KLHDC4: variants seen among roughly 807,000 people sequenced by gnomAD.
KLHDC4 encodes the protein kelch domain-containing protein 4.
KLHDC4 carries 90 observed loss-of-function variants against 62.4 expected under a neutral mutation model. That is an observed-to-expected ratio of 1.44 (90% CI 1.22 to 1.72). The LOEUF (loss-of-function observed/expected upper bound fraction) is 1.72, where lower values mean the gene tolerates loss of function less well. Ranked by LOEUF, KLHDC4 falls within the 40% of genes most tolerant of loss-of-function variation. KLHDC4 has a pLI of 0.00. For synonymous variants in KLHDC4, 386 were observed against 284.4 expected (o/e 1.36, Z -3.59); for missense variants, 1,025 against 699.7 (o/e 1.47, Z -5.25).
At chr16:87,725,326 C>A (rs567330956) in intron 7 of KLHDC4, among the ~76,000 whole-genome samples, 1 of 152,146 alleles carries the variant, frequency 6.6e-6, no homozygotes, top group Non-Finnish European at 1.5e-5. Flanking sequence ...CCACCACGCC[C>A]GGCTAATTTT....
At chr16:87,718,337 C>T (rs1327746879) in intron 7 of KLHDC4, among the ~76,000 whole-genome samples, 1 of 70,892 alleles carries the variant, frequency 1.4e-5, no homozygotes, top group Non-Finnish European at 2.7e-5. Context: ...CTCCCTCCCC[C>T]TCTCCTCCCC....
intron 7 of KLHDC4, among the ~76,000 whole-genome samples, chr16:87,716,096 C>T (rs902699600): frequency 6.6e-6 from 1 of 152,000 alleles, no homozygotes; most frequent in Non-Finnish European, 1.5e-5. Flanking sequence ...CTCGTGGATA[C>T]TGACGTAGAC....
At position 87,723,769 on chromosome 16, in the gene KLHDC4, C is replaced by T. The variant is rs570226298; in HGVS notation, c.759+2996G>A. ...CGTGGATCAGAATGGAGAAACAGAC[C>T]TATGTTCCTGCAGGCATGTGATTTT... is the stretch of plus-strand genomic sequence containing the variant. On this transcript the variant is annotated intron_variant, in intron 7 of 11. Transcript: ENST00000270583. Among the ~76,000 whole-genome samples, 24 of 152,384 alleles carry T rather than the reference C, an allele frequency of 1.6e-4. No homozygotes were observed. The South Asian group carries it at 3.3e-3, about 21-fold the overall frequency.
exon 1 of KLHDC4, chr16:87,702,104 G>T: frequency 2.2e-6 from 1 of 456,258 alleles, no homozygotes; most frequent in Non-Finnish European, 4.4e-6. Flanking sequence ...CAGCCTTCGG[G>T]TCCCAGAGCT....
intron 7 of KLHDC4, among the ~76,000 whole-genome samples, chr16:87,718,332 TCCCC>T (rs1294455042): frequency 6.1e-4 from 5 of 8,174 alleles, no homozygotes; most frequent in African/African-American, 1.8e-3. Flanking sequence ...TCCCTCTCCC[TCCCC>T]CTCTCCTCCC....
intron 4 of KLHDC4, among the ~76,000 whole-genome samples, chr16:87,754,256 G>T: frequency 6.6e-6 from 1 of 152,106 alleles, no homozygotes; most frequent in East Asian, 1.9e-4. Context: ...TGGGGCAGGA[G>T]AATCACTTCA....
chr16:87,701,710 C>T (rs1314401780), exon 1 of KLHDC4: 4 of 456,816 alleles, frequency 8.8e-6, no homozygotes, highest in South Asian at 1.5e-5. Context: ...ACACCCTTCT[C>T]GTGCGCCCAT....
chr16:87,715,719 G>T (rs988203504), intron 7 of KLHDC4, among the ~76,000 whole-genome samples: 7 of 152,136 alleles, frequency 4.6e-5, no homozygotes, highest in Non-Finnish European at 4.4e-5. Flanking sequence ...TCCCATCAAG[G>T]GTCCACACCA....
Position 87,721,414 on chromosome 16 carries a change from T to TAAAA in KLHDC4, c.759+5347_759+5350dup, listed in dbSNP as rs1176744434. ...GGGGGATAGAGCGAGACTCTGTCTC[T>TAAAA]AAAAAAAAAAAAAAAAAAAAAAAAA... On this transcript the variant is annotated intron_variant, in intron 7 of 11. Coordinates refer to ENST00000270583, the MANE Select transcript of KLHDC4 (RefSeq NM_017566.4). Among the ~76,000 whole-genome samples the TAAAA allele has an allele frequency of 1.4e-3, 107 of 78,906 alleles. No homozygotes were observed. The East Asian group carries it at 0.015, about 11-fold the overall frequency. The allele number at this position is 78,906 out of a possible 152,430, so 51.8% of individuals were successfully genotyped here.
intron 5 of KLHDC4, among the ~76,000 whole-genome samples, chr16:87,734,893 G>T (rs1290963387): frequency 6.6e-6 from 1 of 151,822 alleles, no homozygotes; most frequent in African/African-American, 2.4e-5. Flanking sequence ...CCACACATGC[G>T]GAGCAAGAAA....
At chr16:87,733,121 C>CCCAGCTTCTACA (rs2040681476) in intron 5 of KLHDC4, among the ~76,000 whole-genome samples, 7 of 93,314 alleles carry the variant, frequency 7.5e-5, no homozygotes, top group African/African-American at 3.0e-4. Context: ...CAGCTTCTAT[C>CCCAGCTTCTACA]GGTGAAAAGG....
At chr16:87,702,435 C>T (rs553053126) in exon 1 of KLHDC4, 7 of 367,942 alleles carry the variant, frequency 1.9e-5, no homozygotes, top group South Asian at 1.4e-4. Flanking sequence ...CCGGCTTTCT[C>T]GCTTGGGCCT....
chr16:87,751,299 C>G (rs1340363700), intron 4 of KLHDC4, among the ~76,000 whole-genome samples: 1 of 152,012 alleles, frequency 6.6e-6, no homozygotes, highest in Non-Finnish European at 1.5e-5. Context: ...CATGGTGAAA[C>G]CCTGTCTGTA....
In KLHDC4 at chr16:87,756,398, C is replaced by G. The variant is rs757096650; in HGVS notation, c.270+1G>C. On this transcript the variant is annotated splice_donor_variant, in intron 3 of 11. Transcript: ENST00000270583. LOFTEE classifies it high-confidence loss of function. ...AGAAAAGAAAAAAATATATACTTTA[C>G]TTTTTGGCCGTTGAAATATTCACCT... 2.2e-5 allele frequency: 36 copies of G among 1,606,820 alleles called. No homozygotes were observed. Among genetic ancestry groups the G allele is most frequent in the African/African-American group, 1.3e-5 (1 of 74,770 alleles).
At chr16:87,714,989 T>C (rs985589538) in intron 7 of KLHDC4, among the ~76,000 whole-genome samples, 7 of 152,222 alleles carry the variant, frequency 4.6e-5, no homozygotes, top group African/African-American at 1.7e-4. Flanking sequence ...GTTACTACTG[T>C]GTGCAGAGGG....
intron 7 of KLHDC4, among the ~76,000 whole-genome samples, chr16:87,717,979 C>G (rs1470795707): frequency 6.6e-6 from 1 of 152,170 alleles, no homozygotes; most frequent in African/African-American, 2.4e-5. Context: ...GAGCACTTCA[C>G]AAGGCCTGAT....
chr16:87,716,506 C>T (rs2037023817), intron 7 of KLHDC4, among the ~76,000 whole-genome samples: 1 of 152,126 alleles, frequency 6.6e-6, no homozygotes, highest in Non-Finnish European at 1.5e-5. Context: ...TTGTGGGTTC[C>T]TTTGAGCACC....
chr16:87,738,613 CCTCATCCATCCACACACCAGCAT>C (rs1597219329), intron 5 of KLHDC4, among the ~76,000 whole-genome samples: 1 of 129,664 alleles, frequency 7.7e-6, no homozygotes, highest in African/African-American at 2.9e-5. Context: ...CCACACAGCA[CCTCATCCATCCACACACCAGCAT>C]CTCATCCATC....
chr16:87,745,563 G>C (rs56278227), intron 5 of KLHDC4, among the ~76,000 whole-genome samples: 11,523 of 152,314 alleles, frequency 0.076, 609 homozygotes, highest in Non-Finnish European at 0.11. Context: ...TCTGGCTTCT[G>C]CTGAATGTCT....
Sources: gnomAD v4.1 joint callset for allele counts (sites outside exome capture counted in the v4.1 genomes callset) on GRCh38, gnomAD v4.1.1 for gene constraint, MANE v1.5 for transcripts, NCBI Gene and HGNC (gene_info 2026-07-23, HGNC 2026-07-21) for gene names.